Variants in GANC observed in about 807,000 individuals in gnomAD.
GANC encodes neutral alpha-glucosidase C.
Under a neutral mutation model 124.2 loss-of-function variants are expected in GANC, and 117 were observed. That is an observed-to-expected ratio of 0.94 (90% CI 0.81 to 1.10). The LOEUF (loss-of-function observed/expected upper bound fraction) is 1.10, where lower values mean the gene tolerates loss of function less well. GANC is among the 50% of genes least tolerant of loss of function. The pLI is 0.00. For synonymous variants in GANC, 377 were observed against 376.8 expected, an observed-to-expected ratio of 1.00 and a Z score of -0.01; for missense variants, 1,140 against 1,095.0, an observed-to-expected ratio of 1.04 and a Z score of -0.58.
intron 5 of GANC, among the ~76,000 whole-genome samples, chr15:42,293,382 T>G (rs1393358329): frequency 6.6e-6 from 1 of 152,218 alleles, no homozygotes; most frequent in Non-Finnish European, 1.5e-5. Context: ...AGATTCTTAT[T>G]CCATTCTTAC....
chr15:42,293,029 C>A, intron 5 of GANC, 112 bp downstream of exon 5: 1 of 1,000,084 alleles, frequency 1.0e-6, no homozygotes, highest in Non-Finnish European at 1.5e-6. Flanking sequence ...GCCTTATTTG[C>A]TCTAGTATTG....
intron 10 of GANC, among the ~76,000 whole-genome samples, chr15:42,316,332 G>T (rs1461110711): frequency 6.6e-6 from 1 of 152,162 alleles, no homozygotes; most frequent in Non-Finnish European, 1.5e-5. Flanking sequence ...GCGGAGACTG[G>T]TAGTGGCCCT....
chr15:42,302,801 G>C (rs1225513465), intron 6 of GANC, among the ~76,000 whole-genome samples: 3 of 151,550 alleles, frequency 2.0e-5, no homozygotes, highest in Non-Finnish European at 4.4e-5. Flanking sequence ...GACAAGATTA[G>C]AGAAAAAAAA....
At chr15:42,322,697 A>C (rs978963515) in intron 11 of GANC, among the ~76,000 whole-genome samples, 2 of 152,168 alleles carry the variant, frequency 1.3e-5, no homozygotes, top group African/African-American at 4.8e-5. Context: ...TTTTTCCTGC[A>C]TGCTTCCCTG....
Position 42,339,752 on chromosome 15 carries a change from C to T in GANC, c.1927C>T (p.Arg643Cys), listed in dbSNP as rs144134584. The change falls in exon 17 of 24, where the codon CGT (arginine) becomes TGT (cysteine). Residue 643 changes from arginine to cysteine, a missense_variant. Transcript: ENST00000318010. Reference sequence around the variant, plus strand: ...GGCTGGAGCCTACCAGCCCTTCTTCCGTGGCCATGCCACCATGAACACCAA... The same window carrying T: ...GGCTGGAGCCTACCAGCCCTTCTTCTGTGGCCATGCCACCATGAACACCAA... ...YQAGAYQPFF[R>C]GHATMNTKRR... 7.0e-4 allele frequency: 1,125 copies of T among 1,614,150 alleles called. 2 individuals carry two copies. The highest frequency in any genetic ancestry group is 9.3e-4 in the South Asian group (85 of 91,078).
At chr15:42,307,668 G>A (rs1478863629) in intron 7 of GANC, among the ~76,000 whole-genome samples, 2 of 152,218 alleles carry the variant, frequency 1.3e-5, no homozygotes, top group African/African-American at 2.4e-5. Flanking sequence ...TAAAGACTTC[G>A]TCTTTGGTTA....
At chr15:42,280,044 G>A (rs2051716422) in intron 3 of GANC, among the ~76,000 whole-genome samples, 1 of 152,082 alleles carries the variant, frequency 6.6e-6, no homozygotes, top group Non-Finnish European at 1.5e-5. Context: ...TAACTTTCTT[G>A]CCCAAATTCA....
chr15:42,321,971 T>G lies in GANC; in HGVS notation c.1244T>G (p.Phe415Cys). 1 of 1,613,848 alleles carries G rather than the reference T, an allele frequency of 6.2e-7. No homozygotes were observed. The stretch of plus-strand genomic sequence containing the variant: ...TACTTCACCTGGGACAAAAACAGAT[T>G]CCCAAACCCCAAGAGGATGCAAGAG... ...KRYFTWDKNR[F>C]PNPKRMQELL... Residue 415 changes from phenylalanine (F) to cysteine (C), a missense_variant, in exon 11 of 24, where the codon TTC (phenylalanine) becomes TGC (cysteine). Coordinates refer to ENST00000318010, the MANE Select transcript of GANC (RefSeq NM_198141.3).
In GANC at chr15:42,273,938, T is replaced by C. The variant is rs2051620959; in HGVS notation, c.-544T>C. On this transcript the variant is annotated 5_prime_UTR_variant, in exon 1 of 24. Coordinates refer to ENST00000318010, the MANE Select transcript of GANC (RefSeq NM_198141.3). ...TGTAACAACCTTCAAAGGCCCCTTC[T>C]AGCCCTGAAGAGTACGATGCTGCAG... 5.1e-6 allele frequency: 1 copy of C among 195,856 alleles called. No homozygotes were observed. The highest frequency in any genetic ancestry group is 5.6e-5 in the Admixed American group (1 of 17,986). 12.1% of individuals were successfully genotyped at this position (195,856 alleles called of 1,614,324 possible).
At chr15:42,278,408 A>C in intron 2 of GANC, 74 bp from the exon 3 acceptor site, 1 of 983,414 alleles carries the variant, frequency 1.0e-6, no homozygotes, top group Non-Finnish European at 1.6e-6. Context: ...AATGACTTCC[A>C]CATGATAATA....
In GANC at chr15:42,273,519, T is replaced by A. The variant is rs2051609112; in HGVS notation, c.-963T>A. On this transcript the variant is annotated 5_prime_UTR_variant, in exon 1 of 24. Transcript: ENST00000318010. ...TCCTGGAAACGTCGCGGAGCTTGTT[T>A]GCTGTGCGGCGTAGCGGCCCCTCTC... 6.7e-7 allele frequency: 1 copy of A among 1,486,618 alleles called. No individual in the cohort carries two copies. Among genetic ancestry groups the A allele is most frequent in the African/African-American group, 1.4e-5 (1 of 72,014 alleles). 92.1% of individuals were successfully genotyped at this position (1,486,618 alleles called of 1,614,324 possible). A position where few individuals can be genotyped will look rare whatever the true frequency, so the allele number is the denominator to read the frequency against.
At chr15:42,326,872 T>C (rs1423997340) in intron 12 of GANC, among the ~76,000 whole-genome samples, 2 of 152,164 alleles carry the variant, frequency 1.3e-5, no homozygotes, top group Non-Finnish European at 2.9e-5. Flanking sequence ...TCAAAAGTTA[T>C]TAAAAGTTAT....
chr15:42,300,198 T>G (rs910512900), intron 6 of GANC, among the ~76,000 whole-genome samples: 2 of 151,702 alleles, frequency 1.3e-5, no homozygotes, highest in Non-Finnish European at 2.9e-5. Context: ...TGGGTGAAAA[T>G]TTTTGCAATC....
At chr15:42,327,649 T>C in intron 13 of GANC, among the ~76,000 whole-genome samples, 1 of 152,196 alleles carries the variant, frequency 6.6e-6, no homozygotes, top group East Asian at 1.9e-4. Context: ...AACCTGTGAT[T>C]TTGACCTCTA....
At chr15:42,336,107 G>GA (rs573928752) in intron 15 of GANC, among the ~76,000 whole-genome samples, 207 of 112,664 alleles carry the variant, frequency 1.8e-3, no homozygotes, top group African/African-American at 6.3e-3. Flanking sequence ...CACAAAACTA[G>GA]AAAAAACTAT....
chr15:42,294,972 G>GTTTT (rs59095643), intron 5 of GANC, among the ~76,000 whole-genome samples: 2 of 131,178 alleles, frequency 1.5e-5, no homozygotes, highest in Non-Finnish European at 3.1e-5. Context: ...TGCATTTGTA[G>GTTTT]TTTTTTTTTT....
intron 6 of GANC, among the ~76,000 whole-genome samples, chr15:42,299,206 T>C (rs2051921235): frequency 1.3e-5 from 2 of 152,336 alleles, no homozygotes; most frequent in Middle Eastern, 3.4e-3. Flanking sequence ...GGGTTCGTCA[T>C]AAGTAGCTCT....
intron 10 of GANC, among the ~76,000 whole-genome samples, chr15:42,316,683 A>G (rs1047454888): frequency 2.0e-5 from 3 of 152,218 alleles, no homozygotes; most frequent in Non-Finnish European, 2.9e-5. Context: ...GACTGCTGGC[A>G]GGCCTGGATA....
intron 6 of GANC, among the ~76,000 whole-genome samples, chr15:42,298,443 A>G (rs553684005): frequency 3.9e-5 from 6 of 152,334 alleles, no homozygotes; most frequent in African/African-American, 7.2e-5. Context: ...ATTGAAAAAT[A>G]TAAGTCCCCC....
Sources: allele counts gnomAD v4.1 joint callset (sites outside exome capture counted in the v4.1 genomes callset), GRCh38; gene constraint gnomAD v4.1.1; transcripts MANE v1.5; gene names NCBI Gene and HGNC (gene_info 2026-07-23, HGNC 2026-07-21).